Variants in ABCG1 observed in about 807,000 individuals in gnomAD.
The protein encoded by ABCG1 is ATP-binding cassette sub-family G member 1.
In ABCG1, 29 loss-of-function variants were observed where a neutral mutation model predicts 69.2. That is an observed-to-expected ratio of 0.42 (90% confidence interval 0.31 to 0.57). The LOEUF (loss-of-function observed/expected upper bound fraction) is 0.57. Ranked by LOEUF, ABCG1 falls within the 20% of genes least tolerant of loss-of-function variation. ABCG1 has a pLI of 0.15. For missense variants in ABCG1, 718 were observed against 898.1 expected (o/e 0.80, Z 2.56); for synonymous variants, 370 against 374.8 (o/e 0.99, Z 0.15).
In ABCG1 at chr21:42,296,631, T is replaced by A. The variant is rs2069217322; in HGVS notation, c.*239T>A. On this transcript the variant is annotated 3_prime_UTR_variant, in exon 15 of 15. Transcript: ENST00000398449. This position sits in a 1 kb window ranked among gnomAD's most constrained non-coding sequence, Gnocchi z 5.4. Reference sequence around the variant, plus strand: ...GATGTAGGCAGATTGGTGGTTTTTTTTTTTTTAACATACAGAATTTTAAAT... The same window carrying A: ...GATGTAGGCAGATTGGTGGTTTTTTATTTTTTAACATACAGAATTTTAAAT... 1.9e-6 allele frequency: 1 copy of A among 523,694 alleles called. No individual in the cohort carries two copies. Among genetic ancestry groups the A allele is most frequent in the Non-Finnish European group, 3.5e-6 (1 of 289,640 alleles). 32.4% of individuals were successfully genotyped at this position (523,694 alleles called of 1,614,324 possible).
intron 2 of ABCG1, among the ~76,000 whole-genome samples, chr21:42,202,516 T>C (rs1187441189): frequency 6.6e-6 from 1 of 151,832 alleles, no homozygotes; most frequent in Non-Finnish European, 1.5e-5. Context: ...CGCTGTTGAA[T>C]GCACGCCTCC....
intron 2 of ABCG1, among the ~76,000 whole-genome samples, chr21:42,261,963 C>G (rs567817028): frequency 9.5e-4 from 145 of 152,270 alleles, no homozygotes; most frequent in Middle Eastern, 6.8e-3. Context: ...GGAAACAAAA[C>G]CCAATGACCG....
intron 2 of ABCG1, among the ~76,000 whole-genome samples, chr21:42,207,410 T>C (rs1341901390): frequency 6.6e-6 from 1 of 152,246 alleles, no homozygotes; most frequent in Non-Finnish European, 1.5e-5. Context: ...TTCTAAACTT[T>C]CTATTTTGTT....
intron 2 of ABCG1, among the ~76,000 whole-genome samples, chr21:42,245,604 G>C (rs2068120241): frequency 6.6e-6 from 1 of 152,192 alleles, no homozygotes; most frequent in South Asian, 2.1e-4. Context: ...GACTGAGCTG[G>C]GTTCCCATGT....
intron 2 of ABCG1, among the ~76,000 whole-genome samples, chr21:42,248,432 A>C (rs1012255683): frequency 6.6e-6 from 1 of 152,210 alleles, no homozygotes; most frequent in Non-Finnish European, 1.5e-5. Context: ...TGGGGGGTGC[A>C]GGGCAGCTGC....
At chr21:42,256,545 A>G in intron 2 of ABCG1, 1 of 1,547,416 alleles carries the variant, frequency 6.5e-7, no homozygotes, top group African/African-American at 1.4e-5. Context: ...GTCACAACAA[A>G]TATCCCATCT....
exon 2 of ABCG1, chr21:42,201,686 C>G: frequency 6.2e-7 from 1 of 1,613,280 alleles, no homozygotes; most frequent in Non-Finnish European, 8.5e-7. Flanking sequence ...ATGCTGGGAA[C>G]GCAGGGGTGG....
intron 4 of ABCG1, among the ~76,000 whole-genome samples, chr21:42,274,218 T>C (rs1207012536): frequency 6.6e-6 from 1 of 152,242 alleles, no homozygotes; most frequent in African/African-American, 2.4e-5. Context: ...GGGGTAGAAT[T>C]CTGACATGCA....
intron 2 of ABCG1, among the ~76,000 whole-genome samples, chr21:42,267,630 T>A (rs911393485): frequency 6.6e-6 from 1 of 150,650 alleles, no homozygotes; most frequent in Non-Finnish European, 1.5e-5. Flanking sequence ...GGGTTCTGTC[T>A]GGGTGTGGTC....
At chr21:42,250,559 T>C (rs2068203621) in intron 2 of ABCG1, among the ~76,000 whole-genome samples, 1 of 152,194 alleles carries the variant, frequency 6.6e-6, no homozygotes, top group South Asian at 2.1e-4. Context: ...TCCCAGGGAA[T>C]GAGTCAGGGG....
At chr21:42,259,295 G>C in intron 2 of ABCG1, 1 of 1,531,994 alleles carries the variant, frequency 6.5e-7, no homozygotes, top group Non-Finnish European at 8.8e-7. Context: ...GAGTTTGTAA[G>C]TGAAGTTTTG....
At chr21:42,268,388 T>TGTGTGTGC (rs57264459) in intron 2 of ABCG1, among the ~76,000 whole-genome samples, 1,790 of 110,142 alleles carry the variant, frequency 0.016, 18 homozygotes, top group African/African-American at 0.028. Flanking sequence ...TGTGTGTGTG[T>TGTGTGTGC]GCGCGCGCGC....
chr21:42,218,475 CT>C (rs145316507), upstream of ABCG1, among the ~76,000 whole-genome samples: 1 of 149,164 alleles, frequency 6.7e-6, no homozygotes, highest in Non-Finnish European at 1.5e-5. Context: ...TGAGGCTTTT[CT>C]TTTTTTGTTC....
intron 2 of ABCG1, among the ~76,000 whole-genome samples, chr21:42,255,339 A>T (rs1046255696): frequency 3.7e-4 from 56 of 152,168 alleles, no homozygotes; most frequent in African/African-American, 1.3e-3. Flanking sequence ...TGCACGCATG[A>T]TTGTGTGTAC....
At chr21:42,210,786 T>C (rs898635108) in intron 2 of ABCG1, among the ~76,000 whole-genome samples, 3 of 151,280 alleles carry the variant, frequency 2.0e-5, no homozygotes, top group Non-Finnish European at 4.4e-5. Flanking sequence ...TGCACTGACC[T>C]CCCACAGGCT....
rs2068663709 is a variant in ABCG1, at chr21:42,273,930, G to T, written c.537+495G>T. 1.3e-5 allele frequency among the ~76,000 whole-genome samples: 2 copies of T among 151,676 alleles called. No individual in the cohort carries two copies. The highest frequency in any genetic ancestry group is 4.2e-4 in the South Asian group (2 of 4,786). ...CCAGCAGTGGCCGAGCATCTCCTGG[G>T]TCCCAGGCCCTGAGCACATAGCTCT... On this transcript the variant is annotated intron_variant, in intron 4 of 14. Transcript: ENST00000398449. This position sits in a 1 kb window ranked among gnomAD's most constrained non-coding sequence, Gnocchi z 5.3.
chr21:42,240,893 C>T (rs1432678609), intron 2 of ABCG1, among the ~76,000 whole-genome samples: 5 of 152,276 alleles, frequency 3.3e-5, no homozygotes, highest in East Asian at 3.8e-4. Context: ...GAGTAAACAG[C>T]GTGACCAGCA....
At chr21:42,243,814 C>CTTT (rs11402831) in intron 2 of ABCG1, among the ~76,000 whole-genome samples, 1,131 of 94,264 alleles carry the variant, frequency 0.012, 9 homozygotes, top group Middle Eastern at 0.027. Flanking sequence ...TTATCTTTGG[C>CTTT]TTTTTTTTTT....
chr21:42,236,960 T>G (rs1464829439), intron 2 of ABCG1, among the ~76,000 whole-genome samples: 1 of 152,214 alleles, frequency 6.6e-6, no homozygotes, highest in Non-Finnish European at 1.5e-5. Context: ...TTCCTGTTTC[T>G]GAAGACCTGC....
Sources: allele counts gnomAD v4.1 joint callset (sites outside exome capture counted in the v4.1 genomes callset), GRCh38; gene constraint gnomAD v4.1.1; non-coding constraint Gnocchi (gnomAD v3.1); transcripts MANE v1.5; gene names NCBI Gene and HGNC (gene_info 2026-07-23, HGNC 2026-07-21).